The following DNAH7 variants were observed in gnomAD, a reference collection of about 807,000 sequenced individuals.
DNAH7 encodes the protein axonemal beta dynein heavy chain 7.
Under a neutral mutation model 444.6 loss-of-function variants are expected in DNAH7, and 397 were observed. That is an observed-to-expected ratio of 0.89 (90% confidence interval 0.82 to 0.97). DNAH7 has a LOEUF of 0.97. DNAH7 is among the 50% of genes least tolerant of loss of function. The probability of loss-of-function intolerance (pLI) is 0.00; values close to 1 mark genes in which losing one functional copy is unlikely to be tolerated. For missense variants in DNAH7, 4,902 were observed against 4,800.8 expected (o/e 1.02, Z -0.62); for synonymous variants, 1,636 against 1,624.4 (o/e 1.01, Z -0.17).
chr2:195,844,892 A>T, intron 47 of DNAH7, 110 bp downstream of exon 47: 2 of 875,866 alleles, frequency 2.3e-6, no homozygotes, highest in Non-Finnish European at 3.4e-6. Context: ...CTAATTAGTT[A>T]AGTAATTTTT....
intron 17 of DNAH7, among the ~76,000 whole-genome samples, chr2:195,968,567 G>T (rs116460609): frequency 0.017 from 2,587 of 152,138 alleles, 65 homozygotes; most frequent in African/African-American, 0.058. Context: ...TCATGGGTGT[G>T]AGCTACACTG....
chr2:195,828,484 C>G (rs895850394), intron 48 of DNAH7, among the ~76,000 whole-genome samples: 11 of 151,716 alleles, frequency 7.3e-5, no homozygotes, highest in Non-Finnish European at 1.3e-4. Context: ...ACTCGGGAGG[C>G]TGAGGCAGGA....
chr2:195,791,691 G>T (rs1045611605), intron 57 of DNAH7, among the ~76,000 whole-genome samples: 2 of 152,172 alleles, frequency 1.3e-5, no homozygotes, highest in Non-Finnish European at 2.9e-5. Flanking sequence ...AGAAAATGTA[G>T]TACTTATACA....
intron 3 of DNAH7, 53 bp from the exon 4 acceptor site, chr2:196,048,457 T>C (rs905317567): frequency 1.3e-6 from 2 of 1,500,206 alleles, no homozygotes; most frequent in African/African-American, 2.8e-5. Context: ...AAAAAACCTT[T>C]TTCCATGAAA....
At chr2:195,801,839 G>A (rs576862790) in intron 54 of DNAH7, among the ~76,000 whole-genome samples, 7 of 152,310 alleles carry the variant, frequency 4.6e-5, no homozygotes, top group African/African-American at 1.7e-4. Context: ...GTGTTAGGGT[G>A]GGGAGCTGAG....
At chr2:195,778,020 T>C (rs1166646142) in intron 58 of DNAH7, 35 bp from the exon 59 acceptor site, 1 of 1,551,672 alleles carries the variant, frequency 6.4e-7, no homozygotes, top group African/African-American at 1.4e-5. Flanking sequence ...CAGTTATCAG[T>C]AGCATGTTAT....
chr2:195,861,531 C>T (rs1291515579), intron 42 of DNAH7, among the ~76,000 whole-genome samples, 186 bp downstream of exon 42: 1 of 152,014 alleles, frequency 6.6e-6, no homozygotes, highest in Non-Finnish European at 1.5e-5. Flanking sequence ...GGCAATGTGC[C>T]CATATGAGAA....
intron 43 of DNAH7, 90 bp downstream of exon 43, chr2:195,858,384 G>A (rs984282270): frequency 5.6e-6 from 6 of 1,068,584 alleles, no homozygotes; most frequent in Admixed American, 3.4e-5. Flanking sequence ...AGGCTAATTC[G>A]GAGAGACAAA....
chr2:195,770,737 A>T (rs1315950980), intron 61 of DNAH7, among the ~76,000 whole-genome samples: 2 of 152,080 alleles, frequency 1.3e-5, no homozygotes, highest in Non-Finnish European at 2.9e-5. Flanking sequence ...GTTTATTTTT[A>T]GTTTGACACA....
At position 195,782,859 on chromosome 2, in the gene DNAH7, T is replaced by C. The variant is rs553527498; in HGVS notation, c.10878+4151A>G. On this transcript the variant is annotated intron_variant, in intron 58 of 64. Coordinates refer to ENST00000312428, the MANE Select transcript of DNAH7 (RefSeq NM_018897.3). ...CATTGTGTTTTGGTGCTCACCAACATACAATCTTTGTTCTCTTCTTTTTCT... is the reference window on the plus strand; with the variant it reads ...CATTGTGTTTTGGTGCTCACCAACACACAATCTTTGTTCTCTTCTTTTTCT... Among the ~76,000 whole-genome samples, 3 of 152,332 alleles carry C rather than the reference T, an allele frequency of 2.0e-5. No homozygotes were observed. In the East Asian group the frequency reaches 5.8e-4, roughly 29 times the overall value.
intron 57 of DNAH7, among the ~76,000 whole-genome samples, chr2:195,788,400 G>A (rs2105976499): frequency 6.6e-6 from 1 of 152,278 alleles, no homozygotes; most frequent in East Asian, 1.9e-4. Context: ...TTGAAGTAAT[G>A]ATCAATATAT....
intron 12 of DNAH7, among the ~76,000 whole-genome samples, chr2:195,997,384 C>G (rs1177926867): frequency 6.6e-6 from 1 of 152,094 alleles, no homozygotes; most frequent in Non-Finnish European, 1.5e-5. Context: ...TGGTGGCGCA[C>G]ACCAGTAGTC....
chr2:195,816,381 G>A (rs535252882), intron 51 of DNAH7, among the ~76,000 whole-genome samples: 6 of 152,100 alleles, frequency 3.9e-5, no homozygotes, highest in African/African-American at 9.6e-5. Context: ...TAAGGTAAAC[G>A]TTTTCTCTTT....
Position 195,883,458 on chromosome 2 carries a change from C to CCG in DNAH7, c.5763+1126_5763+1127insCG, listed in dbSNP as rs1454073319. Among the ~76,000 whole-genome samples, 82 of 148,898 alleles carry CCG rather than the reference C, an allele frequency of 5.5e-4. 1 individual carries two copies. The highest frequency in any genetic ancestry group is 2.1e-3 in the African/African-American group (81 of 39,280). ...GCGAGACTCAGTCCCCGCTCCCCCC[C>CCG]CCCAAAAAAAAAGAATCAGAAACGC... On this transcript the variant is annotated intron_variant, in intron 35 of 64. Coordinates refer to ENST00000312428, the MANE Select transcript of DNAH7 (RefSeq NM_018897.3).
At chr2:195,964,085 T>C (rs1299350443) in intron 17 of DNAH7, among the ~76,000 whole-genome samples, 1 of 152,234 alleles carries the variant, frequency 6.6e-6, no homozygotes, top group East Asian at 1.9e-4. Flanking sequence ...TAGCTTTGGC[T>C]ATTCTAAGGT....
At chr2:195,882,384 A>C (rs550782754) in intron 35 of DNAH7, among the ~76,000 whole-genome samples, 1 of 152,236 alleles carries the variant, frequency 6.6e-6, no homozygotes, top group Non-Finnish European at 1.5e-5. Context: ...TCCCTAGAAG[A>C]TAAGCTGCAT....
intron 9 of DNAH7, among the ~76,000 whole-genome samples, chr2:196,017,339 CAT>C (rs1239245163): frequency 1.3e-5 from 2 of 152,158 alleles, no homozygotes; most frequent in African/African-American, 2.4e-5. Context: ...TTTAATTACA[CAT>C]GTCTATTTTC....
chr2:195,862,312 G>A (rs1352235127), intron 41 of DNAH7, among the ~76,000 whole-genome samples: 2 of 152,108 alleles, frequency 1.3e-5, no homozygotes, highest in Admixed American at 1.3e-4. Flanking sequence ...GAATGATGTA[G>A]GCATTATTCC....
At chr2:195,861,625 A>T in intron 42 of DNAH7, 92 bp downstream of exon 42, 1 of 848,310 alleles carries the variant, frequency 1.2e-6, no homozygotes, top group Non-Finnish European at 1.8e-6. Context: ...ATTTCTACGA[A>T]ATAAATCTCC....
Sources: allele counts gnomAD v4.1 joint callset (sites outside exome capture counted in the v4.1 genomes callset), GRCh38; gene constraint gnomAD v4.1.1; transcripts MANE v1.5; gene names NCBI Gene and HGNC (gene_info 2026-07-23, HGNC 2026-07-21).